Variants in ROBO1 observed in about 807,000 individuals in gnomAD.
ROBO1 encodes the protein roundabout homolog 1.
Under a neutral mutation model 195.9 loss-of-function variants are expected in ROBO1, and 149 were observed. That is an observed-to-expected ratio of 0.76 (90% CI 0.67 to 0.87). The LOEUF (loss-of-function observed/expected upper bound fraction) is 0.87, where lower values mean the gene tolerates loss of function less well. ROBO1 is among the 40% of genes least tolerant of loss of function. ROBO1 has a pLI of 0.00. For synonymous variants in ROBO1, 816 were observed against 733.2 expected, an observed-to-expected ratio of 1.11 and a Z score of -1.82; for missense variants, 1,933 against 2,068.3, an observed-to-expected ratio of 0.93 and a Z score of 1.27.
At chr3:79,583,250 T>C (rs928576416) in intron 2 of ROBO1, among the ~76,000 whole-genome samples, 2 of 152,036 alleles carry the variant, frequency 1.3e-5, no homozygotes, top group Non-Finnish European at 2.9e-5. Flanking sequence ...AAGTTTGAAT[T>C]AACTACTCTG....
At chr3:79,330,217 A>G (rs542691388) in intron 2 of ROBO1, among the ~76,000 whole-genome samples, 1 of 149,900 alleles carries the variant, frequency 6.7e-6, no homozygotes, top group East Asian at 2.0e-4. Context: ...ATACATATGT[A>G]ACCTGCACAT....
At chr3:79,157,528 C>A (rs1169981840) in intron 2 of ROBO1, among the ~76,000 whole-genome samples, 1 of 151,846 alleles carries the variant, frequency 6.6e-6, no homozygotes, top group African/African-American at 2.4e-5. Context: ...GCAGTTTAAA[C>A]CTAACATCAT....
chr3:79,411,713 T>C (rs763458419), intron 2 of ROBO1, among the ~76,000 whole-genome samples: 26 of 152,128 alleles, frequency 1.7e-4, no homozygotes, highest in Non-Finnish European at 3.2e-4. Flanking sequence ...CAATAACATC[T>C]AGAACAATAT....
In ROBO1 at chr3:79,574,236, C is replaced by G. The variant is rs987272166; in HGVS notation, c.88+15588G>C. Reference sequence around the variant, plus strand: ...TCAGTGTTTCCTCATTTTAATACAGCACTTTCAATATTTCCTCTGGTTCCA... The same window carrying G: ...TCAGTGTTTCCTCATTTTAATACAGGACTTTCAATATTTCCTCTGGTTCCA... On this transcript the variant is annotated intron_variant, in intron 2 of 30. Transcript: ENST00000464233. Among the ~76,000 whole-genome samples the G allele has an allele frequency of 6.6e-5, 10 of 152,066 alleles. No individual in the cohort carries two copies. The South Asian group carries it at 2.1e-3, about 32-fold the overall frequency.
chr3:79,305,225 G>T (rs914999775), intron 2 of ROBO1, among the ~76,000 whole-genome samples: 10 of 152,014 alleles, frequency 6.6e-5, no homozygotes, highest in African/African-American at 2.4e-4. Context: ...GGTAGCTCAC[G>T]CCTGTAATCC....
chr3:79,553,088 A>T (rs531831960), intron 2 of ROBO1, among the ~76,000 whole-genome samples: 79 of 152,152 alleles, frequency 5.2e-4, no homozygotes, highest in African/African-American at 1.8e-3. Flanking sequence ...TTCACAGTTG[A>T]TTTGTAGTTG....
intron 29 of ROBO1, among the ~76,000 whole-genome samples, chr3:78,604,656 C>G (rs1250689029): frequency 2.0e-5 from 3 of 152,302 alleles, no homozygotes; most frequent in African/African-American, 7.2e-5. Flanking sequence ...GAGTCTATGC[C>G]TGGATTAGGA....
At chr3:78,885,936 T>TATAC (rs1451877740) in intron 4 of ROBO1, among the ~76,000 whole-genome samples, 1 of 144,792 alleles carries the variant, frequency 6.9e-6, no homozygotes, top group Non-Finnish European at 1.5e-5. Flanking sequence ...TATATATATA[T>TATAC]ATATACATAC....
Position 79,071,714 on chromosome 3 carries a change from ACATG to A in ROBO1, c.172+53738_172+53741del, listed in dbSNP as rs564737502. ...TAATCCTTGTACCATACACACACAC[ACATG>A]CACATGCACACACACACACACGCAC... is the stretch of plus-strand genomic sequence containing the variant. On this transcript the variant is annotated intron_variant, in intron 3 of 30. Transcript: ENST00000464233. Among the ~76,000 whole-genome samples the A allele has an allele frequency of 9.3e-4, 58 of 62,624 alleles. No homozygotes were observed. The East Asian group carries it at 0.021, about 23-fold the overall frequency. The allele number at this position is 62,624 out of a possible 152,430, so 41.1% of individuals were successfully genotyped here.
At chr3:79,236,245 G>A (rs755067407) in intron 2 of ROBO1, among the ~76,000 whole-genome samples, 13 of 152,066 alleles carry the variant, frequency 8.5e-5, no homozygotes, top group Admixed American at 4.6e-4. Flanking sequence ...ACACTGCAGC[G>A]AAACCACCTG....
intron 1 of ROBO1, among the ~76,000 whole-genome samples, chr3:79,598,566 A>G (rs906179740): frequency 3.3e-5 from 5 of 151,960 alleles, no homozygotes; most frequent in Non-Finnish European, 5.9e-5. Flanking sequence ...TTTTATTTCA[A>G]TTTTTACCAC....
chr3:79,500,117 CTCTTTTTT>C (rs1159494449), intron 2 of ROBO1, among the ~76,000 whole-genome samples: 3 of 110,616 alleles, frequency 2.7e-5, no homozygotes, highest in East Asian at 2.9e-4. Flanking sequence ...AGTAAGTTTT[CTCTTTTTT>C]TTTTTTTTTT....
chr3:79,337,288 C>T (rs562332927), intron 2 of ROBO1, among the ~76,000 whole-genome samples: 15 of 152,270 alleles, frequency 9.9e-5, no homozygotes, highest in African/African-American at 3.6e-4. Context: ...TCTGTGTTCC[C>T]ACCCACAATC....
At chr3:79,023,869 A>AT (rs569045261) in intron 3 of ROBO1, among the ~76,000 whole-genome samples, 2,797 of 134,920 alleles carry the variant, frequency 0.021, 39 homozygotes, top group Middle Eastern at 0.023. Flanking sequence ...ACACCCGGCT[A>AT]TTTTTTTTTT....
At chr3:79,097,242 A>T (rs1388931974) in intron 3 of ROBO1, among the ~76,000 whole-genome samples, 3 of 151,838 alleles carry the variant, frequency 2.0e-5, no homozygotes, top group African/African-American at 7.2e-5. Flanking sequence ...TTTCAAGTAG[A>T]TTATTTCTAA....
intron 19 of ROBO1, among the ~76,000 whole-genome samples, chr3:78,650,467 C>A (rs538205644): frequency 2.6e-5 from 4 of 152,278 alleles, no homozygotes; most frequent in African/African-American, 9.6e-5. Context: ...TTTGTGTTGA[C>A]TCTTGCTAAG....
chr3:79,295,603 A>G lies in ROBO1; in HGVS notation c.89-170064T>C, dbSNP rs558295787. 1.7e-4 allele frequency among the ~76,000 whole-genome samples: 26 copies of G among 152,068 alleles called. No individual in the cohort carries two copies. The South Asian group carries it at 5.4e-3, about 32-fold the overall frequency. On this transcript the variant is annotated intron_variant, in intron 2 of 30. Transcript: ENST00000464233. ...CCTGAACTTAAAGTATAATAATAAT[A>G]AAAAAGAAACGTGATTGTCTCACAA...
intron 4 of ROBO1, among the ~76,000 whole-genome samples, chr3:78,785,546 A>G (rs2083808257): frequency 6.6e-6 from 1 of 152,098 alleles, no homozygotes; most frequent in Admixed American, 6.5e-5. Flanking sequence ...CCTGTCTTGT[A>G]TACTTGCCAA....
chr3:79,438,748 A>G (rs1409583907), intron 2 of ROBO1, among the ~76,000 whole-genome samples: 6 of 152,092 alleles, frequency 3.9e-5, no homozygotes, highest in East Asian at 1.9e-4. Flanking sequence ...TTCTATTTAC[A>G]TAACAATAAA....
Sources: allele counts gnomAD v4.1 joint callset (sites outside exome capture counted in the v4.1 genomes callset), GRCh38; gene constraint gnomAD v4.1.1; transcripts MANE v1.5; gene names NCBI Gene and HGNC (gene_info 2026-07-23, HGNC 2026-07-21).